ADK: variants seen among roughly 807,000 people sequenced by gnomAD.
ADK encodes the protein N6,N6-dimethyladenosine kinase.
A neutral mutation model predicts 44.7 loss-of-function variants in ADK; 24 were observed. That is an observed-to-expected ratio of 0.54 (90% CI 0.39 to 0.76). The LOEUF (loss-of-function observed/expected upper bound fraction) is 0.76. Ranked by LOEUF, ADK falls within the 30% of genes least tolerant of loss-of-function variation. The probability of loss-of-function intolerance (pLI) is 0.00; values close to 1 mark genes in which losing one functional copy is unlikely to be tolerated. For synonymous variants in ADK, 128 were observed against 142.6 expected, an observed-to-expected ratio of 0.90 and a Z score of 0.73; for missense variants, 321 against 425.1, an observed-to-expected ratio of 0.76 and a Z score of 2.15.
intron 1 of ADK, among the ~76,000 whole-genome samples, chr10:74,160,260 C>T (rs963570696): frequency 2.0e-5 from 3 of 152,172 alleles, no homozygotes; most frequent in Admixed American, 1.3e-4. Flanking sequence ...CAGAAGTTAG[C>T]GTCCCTTTTC....
chr10:74,316,146 C>G (rs1840610602), intron 4 of ADK, among the ~76,000 whole-genome samples: 1 of 151,238 alleles, frequency 6.6e-6, no homozygotes. Context: ...AGGCTGAGGC[C>G]AGAGAATCGG....
chr10:74,525,519 A>G, intron 7 of ADK, 93 bp downstream of exon 7: 1 of 1,192,212 alleles, frequency 8.4e-7, no homozygotes, highest in Non-Finnish European at 1.2e-6. Context: ...TATAAATTAA[A>G]TCCTAAATTT....
intron 1 of ADK, among the ~76,000 whole-genome samples, chr10:74,160,688 GGGGTGT>G (rs1365131855): frequency 1.4e-5 from 2 of 139,176 alleles, no homozygotes; most frequent in Admixed American, 7.1e-5. Flanking sequence ...CATGCAGGTA[GGGGTGT>G]GTGTGTGTGT....
At chr10:74,619,184 G>A (rs1852888301) in intron 9 of ADK, among the ~76,000 whole-genome samples, 1 of 152,114 alleles carries the variant, frequency 6.6e-6, no homozygotes, top group African/African-American at 2.4e-5. Context: ...GCTGGGTCCA[G>A]TGGCTCATGC....
intron 5 of ADK, among the ~76,000 whole-genome samples, chr10:74,398,051 G>A (rs1843580424): frequency 1.3e-5 from 2 of 152,072 alleles, no homozygotes; most frequent in African/African-American, 2.4e-5. Flanking sequence ...TAAAGGCTTC[G>A]ATTAAATAGA....
chr10:74,317,563 GAAAAAAAA>G (rs11310691), intron 4 of ADK, among the ~76,000 whole-genome samples: 2 of 131,134 alleles, frequency 1.5e-5, no homozygotes, highest in South Asian at 5.0e-4. Context: ...CTGTCTCTAG[GAAAAAAAA>G]AAAAAAAAAG....
At chr10:74,171,810 C>CTCTCTGTGTGTG (rs1554825180) in intron 1 of ADK, among the ~76,000 whole-genome samples, 57 of 144,088 alleles carry the variant, frequency 4.0e-4, no homozygotes, top group African/African-American at 1.2e-3. Flanking sequence ...CTCTGTCTCT[C>CTCTCTGTGTGTG]TGTGTGTGTG....
intron 4 of ADK, among the ~76,000 whole-genome samples, chr10:74,352,418 A>G (rs1437972450): frequency 6.6e-6 from 1 of 152,236 alleles, no homozygotes; most frequent in African/African-American, 2.4e-5. Context: ...TTATACAAAA[A>G]GTAACCAAGA....
chr10:74,251,371 G>A (rs1170093181), intron 3 of ADK, among the ~76,000 whole-genome samples: 1 of 151,978 alleles, frequency 6.6e-6, no homozygotes, highest in Non-Finnish European at 1.5e-5. Flanking sequence ...ATATATTGGA[G>A]GTAGAATCAA....
At chr10:74,476,022 A>G (rs555446636) in intron 6 of ADK, among the ~76,000 whole-genome samples, 1 of 152,294 alleles carries the variant, frequency 6.6e-6, no homozygotes, top group South Asian at 2.1e-4. Context: ...TGTTTATAAT[A>G]TATATAAAAT....
At chr10:74,648,622 G>A (rs1337600178) in intron 9 of ADK, among the ~76,000 whole-genome samples, 1 of 149,526 alleles carries the variant, frequency 6.7e-6, no homozygotes, top group Non-Finnish European at 1.5e-5. Context: ...AGGTTGCAGT[G>A]AGCCGAGATC....
At chr10:74,293,623 C>G (rs1839704711) in intron 3 of ADK, among the ~76,000 whole-genome samples, 1 of 152,066 alleles carries the variant, frequency 6.6e-6, no homozygotes, top group African/African-American at 2.4e-5. Flanking sequence ...AGTTAAAATA[C>G]TTCTTTATGT....
At chr10:74,264,478 C>A (rs763656036) in intron 3 of ADK, among the ~76,000 whole-genome samples, 2 of 151,854 alleles carry the variant, frequency 1.3e-5, no homozygotes, top group Non-Finnish European at 2.9e-5. Flanking sequence ...CTCATTTTTT[C>A]TTTTGAGATA....
chr10:74,627,327 T>C (rs185843826), intron 9 of ADK, among the ~76,000 whole-genome samples: 33 of 152,020 alleles, frequency 2.2e-4, no homozygotes, highest in Non-Finnish European at 3.1e-4. Flanking sequence ...AAATAAATAG[T>C]AAAAAATTAT....
At chr10:74,464,317 C>G (rs1275941349) in intron 6 of ADK, among the ~76,000 whole-genome samples, 1 of 151,822 alleles carries the variant, frequency 6.6e-6, no homozygotes, top group Admixed American at 6.6e-5. Flanking sequence ...GAGTCTGAGG[C>G]AAAAGGAACA....
chr10:74,654,169 C>A (rs567586984), intron 9 of ADK, among the ~76,000 whole-genome samples: 1 of 152,262 alleles, frequency 6.6e-6, no homozygotes, highest in East Asian at 1.9e-4. Context: ...ATGTACCTAT[C>A]CATTTTGAAA....
At chr10:74,156,446 C>T (rs189612360) in intron 1 of ADK, among the ~76,000 whole-genome samples, 1 of 152,254 alleles carries the variant, frequency 6.6e-6, no homozygotes, top group African/African-American at 2.4e-5. Context: ...TAGTGAGACC[C>T]TAGCTCTACA....
intron 3 of ADK, among the ~76,000 whole-genome samples, chr10:74,230,358 A>T (rs898980038): frequency 3.9e-5 from 6 of 152,112 alleles, no homozygotes; most frequent in African/African-American, 1.4e-4. Context: ...CATTGATAAA[A>T]TGACTTGCTA....
chr10:74,462,213 AT>A (rs1564735583), intron 6 of ADK, among the ~76,000 whole-genome samples: 7 of 152,060 alleles, frequency 4.6e-5, no homozygotes, highest in Non-Finnish European at 8.8e-5. Context: ...AATATCATTA[AT>A]AGATTTTTAT....
Sources: gnomAD v4.1 joint callset for allele counts (sites outside exome capture counted in the v4.1 genomes callset) on GRCh38, gnomAD v4.1.1 for gene constraint, MANE v1.5 for transcripts, NCBI Gene and HGNC (gene_info 2026-07-23, HGNC 2026-07-21) for gene names.